PCDHA10: variants seen among roughly 807,000 people sequenced by gnomAD.
PCDHA10 encodes protocadherin alpha-10.
PCDHA10 carries 45 observed loss-of-function variants against 61.2 expected under a neutral mutation model. That is an observed-to-expected ratio of 0.74 (90% CI 0.58 to 0.94). The LOEUF (loss-of-function observed/expected upper bound fraction) is 0.94, where lower values mean the gene tolerates loss of function less well. Ranked by LOEUF, PCDHA10 falls within the 40% of genes least tolerant of loss-of-function variation. The pLI, the probability that PCDHA10 is intolerant of heterozygous loss-of-function variation, is 0.00. For missense variants in PCDHA10, 1,278 were observed against 1,236.2 expected (o/e 1.03, Z -0.51); for synonymous variants, 602 against 548.8 (o/e 1.10, Z -1.35).
chr5:140,978,544 A>G (rs2096808919), intron 1 of PCDHA10, among the ~76,000 whole-genome samples: 1 of 152,234 alleles, frequency 6.6e-6, no homozygotes, highest in Non-Finnish European at 1.5e-5. Context: ...TTGTGTAGCC[A>G]TGTGCCCTGT....
chr5:140,876,862 G>A (rs1554169053), intron 1 of PCDHA10: 2 of 1,614,168 alleles, frequency 1.2e-6, no homozygotes, highest in Non-Finnish European at 1.7e-6. Context: ...CACAGTGTTC[G>A]TGAAGGAGAA....
chr5:140,996,785 C>G (rs1423473534), intron 3 of PCDHA10, among the ~76,000 whole-genome samples: 2 of 152,148 alleles, frequency 1.3e-5, no homozygotes, highest in Admixed American at 6.5e-5. Context: ...TAGTGCCTCA[C>G]TCCCTACATC....
intron 1 of PCDHA10, among the ~76,000 whole-genome samples, chr5:140,922,496 G>A (rs1554200851): frequency 6.6e-6 from 1 of 152,222 alleles, no homozygotes; most frequent in African/African-American, 2.4e-5. Flanking sequence ...ATCTGAGAGT[G>A]AGCAGATGCA....
intron 3 of PCDHA10, among the ~76,000 whole-genome samples, chr5:140,994,342 T>C (rs571225967): frequency 1.3e-5 from 2 of 152,288 alleles, no homozygotes; most frequent in South Asian, 4.1e-4. Flanking sequence ...ACAGTGGATG[T>C]TGTGGGACCT....
rs150360427 is a variant in PCDHA10 at position 140,892,912 on chromosome 5, T to C, written c.2388+34476T>C. Among the ~76,000 whole-genome samples, 3 of 152,298 alleles carry C rather than the reference T, an allele frequency of 2.0e-5. No homozygotes were observed. In the East Asian group the frequency reaches 5.8e-4, roughly 29 times the overall value. Reference sequence around the variant, plus strand: ...CAACCTTTCCCCATCCTCCTTTTCCTTCACCCTTCCCAGCCTCTGATAAGC... The same window carrying C: ...CAACCTTTCCCCATCCTCCTTTTCCCTCACCCTTCCCAGCCTCTGATAAGC... On this transcript the variant is annotated intron_variant, in intron 1 of 3. Coordinates refer to ENST00000307360, the MANE Select transcript of PCDHA10 (RefSeq NM_018901.4).
rs370831122 is a variant in PCDHA10, at chr5:140,966,962, G to C, written c.2389-11987G>C. On this transcript the variant is annotated intron_variant, in intron 1 of 3. Transcript: ENST00000307360. ...CGTGGGCAACGTGGCTCGCGCGCTG[G>C]GGCTTGAGCTGCGGCGCTTGGGGCC... The C allele has an allele frequency of 1.3e-5, 21 of 1,602,632 alleles. No individual in the cohort carries two copies. Among genetic ancestry groups the C allele is most frequent in the Admixed American group, 3.3e-5 (2 of 59,750 alleles).
At chr5:140,921,060 A>T (rs543644748) in intron 1 of PCDHA10, among the ~76,000 whole-genome samples, 11 of 152,040 alleles carry the variant, frequency 7.2e-5, no homozygotes, top group African/African-American at 2.7e-4. Flanking sequence ...GCTCACTCTA[A>T]CCTTGAACTC....
At position 140,876,236 on chromosome 5, in the gene PCDHA10, T is replaced by A. The variant is rs782328225; in HGVS notation, c.2388+17800T>A. ...TATAAAGTAGTGTTGTCTGAAAATG[T>A]CCAAAACGACACAAGAGTGATCCAA... On this transcript the variant is annotated intron_variant, in intron 1 of 3. Coordinates refer to ENST00000307360, the MANE Select transcript of PCDHA10 (RefSeq NM_018901.4). The A allele has an allele frequency of 6.2e-7, 1 of 1,613,856 alleles. No homozygotes were observed. Among genetic ancestry groups the A allele is most frequent in the African/African-American group, 1.3e-5 (1 of 74,914 alleles).
At chr5:141,005,442 G>A (rs529691807) in intron 3 of PCDHA10, among the ~76,000 whole-genome samples, 39 of 152,092 alleles carry the variant, frequency 2.6e-4, no homozygotes, top group Middle Eastern at 3.4e-3. Context: ...AGAGGCTCAC[G>A]CCTGTAATCC....
intron 1 of PCDHA10, among the ~76,000 whole-genome samples, chr5:140,919,151 G>A (rs1246862771): frequency 2.6e-5 from 4 of 152,122 alleles, no homozygotes; most frequent in African/African-American, 9.7e-5. Flanking sequence ...ATTATTAGAT[G>A]CAAGTATGTT....
At chr5:140,949,825 C>G (rs1321892793) in intron 1 of PCDHA10, among the ~76,000 whole-genome samples, 2 of 151,748 alleles carry the variant, frequency 1.3e-5, no homozygotes, top group African/African-American at 4.8e-5. Flanking sequence ...TATTTGTCCC[C>G]TCTGATTTTG....
intron 1 of PCDHA10, chr5:140,864,797 G>C (rs868909450): frequency 1.3e-5 from 2 of 152,026 alleles, no homozygotes; most frequent in Non-Finnish European, 2.9e-5. Flanking sequence ...AATATTTTAG[G>C]GTAGGAAAAT....
At chr5:140,920,746 A>AG (rs1190651507) in intron 1 of PCDHA10, among the ~76,000 whole-genome samples, 2 of 151,430 alleles carry the variant, frequency 1.3e-5, no homozygotes, top group African/African-American at 4.8e-5. Context: ...CAGGAGGCTG[A>AG]GGCAGGAGAA....
intron 1 of PCDHA10, among the ~76,000 whole-genome samples, chr5:140,965,879 G>A (rs920261632): frequency 6.6e-6 from 1 of 152,216 alleles, no homozygotes; most frequent in Non-Finnish European, 1.5e-5. Flanking sequence ...ACTTGGCCGA[G>A]AGCAGAATTG....
chr5:140,949,915 T>A (rs1459531816), intron 1 of PCDHA10, among the ~76,000 whole-genome samples: 1 of 151,274 alleles, frequency 6.6e-6, no homozygotes, highest in African/African-American at 2.4e-5. Context: ...TAGATATAAC[T>A]ATTTTTAGAT....
chr5:140,894,138 T>A (rs1224822611), intron 1 of PCDHA10, among the ~76,000 whole-genome samples: 2 of 152,112 alleles, frequency 1.3e-5, no homozygotes, highest in Non-Finnish European at 2.9e-5. Flanking sequence ...TTGAAATAAT[T>A]CCCTTCTATG....
intron 1 of PCDHA10, among the ~76,000 whole-genome samples, chr5:140,915,981 C>T (rs11167655): frequency 0.33 from 49,706 of 151,966 alleles, 8,424 homozygotes; most frequent in East Asian, 0.53. Flanking sequence ...TATTTGACTA[C>T]GGCTAAGCTG....
At chr5:140,866,708 C>G (rs781977454) in intron 1 of PCDHA10, 2 of 152,102 alleles carry the variant, frequency 1.3e-5, no homozygotes, top group African/African-American at 2.4e-5. Flanking sequence ...ATGACGTGCA[C>G]TAGTAAGACA....
At chr5:140,998,779 G>T (rs782154283) in intron 3 of PCDHA10, among the ~76,000 whole-genome samples, 3 of 152,140 alleles carry the variant, frequency 2.0e-5, no homozygotes, top group Non-Finnish European at 4.4e-5. Context: ...GGTCAGGCTG[G>T]TCTGGAACCC....
Sources: gnomAD v4.1 joint callset for allele counts (sites outside exome capture counted in the v4.1 genomes callset) on GRCh38, gnomAD v4.1.1 for gene constraint, MANE v1.5 for transcripts, NCBI Gene and HGNC (gene_info 2026-07-23, HGNC 2026-07-21) for gene names.